SLCO1A2: variants seen among roughly 807,000 people sequenced by gnomAD.
SLCO1A2 encodes the protein solute carrier organic anion transporter family member 1A2, also known as OATP-1.
In SLCO1A2, 67 loss-of-function variants were observed where a neutral mutation model predicts 69.0. The ratio of observed to expected loss-of-function variants is 0.97; its 90% CI spans 0.80 to 1.19. The LOEUF (loss-of-function observed/expected upper bound fraction) is 1.19, where lower values mean the gene tolerates loss of function less well. Among genes scored for constraint, SLCO1A2 ranks in the 50% most tolerant of loss-of-function variants. The probability of loss-of-function intolerance (pLI) is 0.00; values close to 1 mark genes in which losing one functional copy is unlikely to be tolerated. For synonymous variants in SLCO1A2, 260 were observed against 265.9 expected (o/e 0.98, Z 0.22); for missense variants, 787 against 793.7 (o/e 0.99, Z 0.10).
intron 12 of SLCO1A2, among the ~76,000 whole-genome samples, chr12:21,288,828 CTA>C (rs1946380219): frequency 6.6e-6 from 1 of 151,470 alleles, no homozygotes; most frequent in Admixed American, 6.6e-5. Context: ...ATTAAAAAAA[CTA>C]TATTTATATA....
At chr12:21,306,546 C>A (rs1949419896) in intron 5 of SLCO1A2, among the ~76,000 whole-genome samples, 1 of 152,082 alleles carries the variant, frequency 6.6e-6, no homozygotes, top group Non-Finnish European at 1.5e-5. Flanking sequence ...AGGCTGGTCT[C>A]GAACTCCTGA....
intron 1 of SLCO1A2, among the ~76,000 whole-genome samples, chr12:21,409,523 T>C (rs192690349): frequency 1.3e-5 from 2 of 152,310 alleles, no homozygotes; most frequent in East Asian, 1.9e-4. Context: ...ATTTGTAATA[T>C]AATAATATTA....
At chr12:21,273,152 T>C (rs772025375) in intron 14 of SLCO1A2, among the ~76,000 whole-genome samples, 2 of 152,146 alleles carry the variant, frequency 1.3e-5, no homozygotes, top group Non-Finnish European at 1.5e-5. Context: ...ACACAGTGAA[T>C]TTGGGCTGCA....
At chr12:21,395,109 T>G (rs1357729687) in exon 1 of SLCO1A2, 1 of 157,204 alleles carries the variant, frequency 6.4e-6, no homozygotes, top group Non-Finnish European at 1.4e-5. Flanking sequence ...CCATCTGAGG[T>G]ACCGGGTTCA....
chr12:21,416,059 TATCTC>T (rs1269156212), intron 1 of SLCO1A2, among the ~76,000 whole-genome samples: 6 of 152,294 alleles, frequency 3.9e-5, no homozygotes, highest in East Asian at 3.9e-4. Context: ...TTATTGTTCT[TATCTC>T]ATATTGTTAG....
In SLCO1A2 at chr12:21,268,994, T is replaced by C. The variant is rs1248091189; in HGVS notation, c.*554A>G. On this transcript the variant is annotated 3_prime_UTR_variant, in exon 15 of 15. Coordinates refer to ENST00000683939, the MANE Select transcript of SLCO1A2 (RefSeq NM_001386879.1). ...AAAGAAAAAATTGAAAGTAGGAGGG[T>C]ATATTTATGAGTAATCTATTATATA... is the stretch of plus-strand genomic sequence containing the variant. The C allele has an allele frequency of 1.3e-5, 2 of 151,888 alleles. No homozygotes were observed. Among genetic ancestry groups the C allele is most frequent in the Non-Finnish European group, 2.9e-5 (2 of 67,946 alleles). 9.4% of individuals were successfully genotyped at this position (151,888 alleles called of 1,614,324 possible).
At chr12:21,377,315 G>T (rs1484516455) in intron 1 of SLCO1A2, among the ~76,000 whole-genome samples, 1 of 152,130 alleles carries the variant, frequency 6.6e-6, no homozygotes, top group Non-Finnish European at 1.5e-5. Context: ...ACAGGTGATA[G>T]ATTTGATTCT....
At chr12:21,274,329 G>C (rs1199260949) in intron 14 of SLCO1A2, 140 bp downstream of exon 14, 14 of 531,340 alleles carry the variant, frequency 2.6e-5, no homozygotes, top group Non-Finnish European at 4.0e-5. Context: ...AAGGAATGGA[G>C]ATATAACATC....
chr12:21,353,985 A>T (rs1473055386), intron 2 of SLCO1A2, among the ~76,000 whole-genome samples: 1 of 152,198 alleles, frequency 6.6e-6, no homozygotes, highest in African/African-American at 2.4e-5. Context: ...ACCACTTTCG[A>T]ACATGAATTT....
At position 21,277,708 on chromosome 12, in the gene SLCO1A2, T is replaced by G. The variant is rs150973274; in HGVS notation, c.1611-2284A>C. Among the ~76,000 whole-genome samples, 1,000 of 152,258 alleles carry G rather than the reference T, an allele frequency of 6.6e-3. 10 individuals carry two copies. The highest frequency in any genetic ancestry group is 0.021 in the African/African-American group (883 of 41,544). On this transcript the variant is annotated intron_variant, in intron 12 of 14. Coordinates refer to ENST00000683939, the MANE Select transcript of SLCO1A2 (RefSeq NM_001386879.1). ...CTCAGATCATCAGGCATTAGTTAGA[T>G]TCCCATAAGGAGTGAGCAGCCTAGA...
At chr12:21,335,070 C>T (rs3764043), upstream of SLCO1A2, among the ~76,000 whole-genome samples, 4,661 of 152,126 alleles carry the variant, frequency 0.031, 238 homozygotes, top group East Asian at 0.2. Flanking sequence ...TAATAACACA[C>T]ATACTTTGAG....
rs368371858 is a variant in SLCO1A2 at position 21,306,428 on chromosome 12, C to T, written c.442+454G>A. 1.1e-4 allele frequency among the ~76,000 whole-genome samples: 16 copies of T among 152,056 alleles called. 1 individual carries two copies. Among genetic ancestry groups the T allele is most frequent in the African/African-American group, 3.4e-4 (14 of 41,512 alleles). On this transcript the variant is annotated intron_variant, in intron 5 of 14. Transcript: ENST00000683939. ...GCAACCTCTGCCACCTGGGTTTAAG[C>T]GATCCTCCAGCCTCGGCCTCCTGAG...
intron 1 of SLCO1A2, among the ~76,000 whole-genome samples, chr12:21,413,219 T>C (rs1220843001): frequency 1.4e-5 from 2 of 143,324 alleles, no homozygotes; most frequent in Non-Finnish European, 3.0e-5. Flanking sequence ...AATACTTTCT[T>C]CTTTTCTTTT....
chr12:21,419,099 C>A (rs934270378), upstream of SLCO1A2: 66 of 152,080 alleles, frequency 4.3e-4, no homozygotes, highest in African/African-American at 1.5e-3. Flanking sequence ...TACTATTTAA[C>A]CCAGAAATAC....
intron 4 of SLCO1A2, among the ~76,000 whole-genome samples, chr12:21,309,965 A>G (rs1314797453): frequency 2.0e-5 from 3 of 152,178 alleles, no homozygotes. Flanking sequence ...ACCAGTGGAG[A>G]ATTTGGTGAT....
chr12:21,298,654 C>G (rs1279204165), intron 8 of SLCO1A2, among the ~76,000 whole-genome samples: 1 of 152,048 alleles, frequency 6.6e-6, no homozygotes, highest in Non-Finnish European at 1.5e-5. Flanking sequence ...TTTTAAGTCA[C>G]CCATGTTTGT....
chr12:21,304,914 G>C (rs148271202), intron 5 of SLCO1A2, among the ~76,000 whole-genome samples: 3 of 152,246 alleles, frequency 2.0e-5, no homozygotes, highest in South Asian at 2.1e-4. Context: ...AAAAATCAAA[G>C]AGATTCAGTT....
intron 2 of SLCO1A2, among the ~76,000 whole-genome samples, chr12:21,346,864 A>C (rs1953267645): frequency 6.6e-6 from 1 of 152,190 alleles, no homozygotes; most frequent in South Asian, 2.1e-4. Context: ...TGTATTTAAC[A>C]GTAATTTCCA....
chr12:21,337,247 C>A (rs1010320088), upstream of SLCO1A2, among the ~76,000 whole-genome samples: 2 of 151,988 alleles, frequency 1.3e-5, no homozygotes, highest in African/African-American at 4.8e-5. Flanking sequence ...CACCTGTTGG[C>A]TTCCAGCCCC....
Sources: gnomAD v4.1 joint callset for allele counts (sites outside exome capture counted in the v4.1 genomes callset) on GRCh38, gnomAD v4.1.1 for gene constraint, MANE v1.5 for transcripts, NCBI Gene and HGNC (gene_info 2026-07-23, HGNC 2026-07-21) for gene names.